NTM: variants seen among roughly 807,000 people sequenced by gnomAD.
NTM encodes IgLON family member 2.
NTM carries 13 observed loss-of-function variants against 42.1 expected under a neutral mutation model. That is an observed-to-expected ratio of 0.31 (90% CI 0.20 to 0.49). NTM has a LOEUF of 0.49. NTM is among the 20% of genes least tolerant of loss of function. The pLI, the probability that NTM is intolerant of heterozygous loss-of-function variation, is 0.99. For synonymous variants in NTM, 187 were observed against 179.2 expected (o/e 1.04, Z -0.35); for missense variants, 373 against 452.8 (o/e 0.82, Z 1.60).
intron 1 of NTM, chr11:131,671,649 C>T (rs2070266455): frequency 4.1e-6 from 4 of 969,768 alleles, no homozygotes; most frequent in African/African-American, 1.8e-5. Context: ...GTGAGAACCA[C>T]CAAGACTCAG....
At chr11:132,124,322 T>C (rs4426141) in intron 2 of NTM, among the ~76,000 whole-genome samples, 110,443 of 152,054 alleles carry the variant, frequency 0.73, 40,958 homozygotes, top group African/African-American at 0.86. Flanking sequence ...CTGGGCTGGC[T>C]TTTGGTGGTT....
intron 1 of NTM, among the ~76,000 whole-genome samples, chr11:131,400,462 C>T (rs562911287): frequency 6.8e-4 from 104 of 152,278 alleles, no homozygotes; most frequent in Middle Eastern, 3.4e-3. Context: ...GGATTGAGAA[C>T]TAGAGGGACC....
chr11:131,818,937 G>A (rs148750186), intron 1 of NTM, among the ~76,000 whole-genome samples: 127 of 152,184 alleles, frequency 8.3e-4, no homozygotes, highest in African/African-American at 2.9e-3. Flanking sequence ...TGGGATTTGG[G>A]GCTTCAAGGT....
intron 2 of NTM, among the ~76,000 whole-genome samples, chr11:131,919,062 A>T (rs1052432615): frequency 1.3e-4 from 20 of 151,914 alleles, no homozygotes; most frequent in Non-Finnish European, 1.5e-5. Flanking sequence ...CAGTCAGTGG[A>T]TCTGGATGCC....
chr11:131,415,818 A>C (rs1176335514), intron 1 of NTM, among the ~76,000 whole-genome samples: 1 of 152,092 alleles, frequency 6.6e-6, no homozygotes, highest in Non-Finnish European at 1.5e-5. Flanking sequence ...TTAATTTATA[A>C]TTTTCTTAGT....
At chr11:131,982,154 A>G (rs2065345727) in intron 2 of NTM, among the ~76,000 whole-genome samples, 1 of 152,140 alleles carries the variant, frequency 6.6e-6, no homozygotes, top group East Asian at 1.9e-4. Flanking sequence ...CAAGGGGAAA[A>G]GTCTATGAGA....
At chr11:131,608,460 C>A (rs766157692) in intron 1 of NTM, among the ~76,000 whole-genome samples, 18 of 152,288 alleles carry the variant, frequency 1.2e-4, no homozygotes, top group Non-Finnish European at 2.4e-4. Context: ...TTTAGAAAAA[C>A]CTCAATTAAG....
intron 1 of NTM, among the ~76,000 whole-genome samples, chr11:131,607,026 C>T (rs1448047522): frequency 1.3e-5 from 2 of 152,240 alleles, no homozygotes; most frequent in Non-Finnish European, 2.9e-5. Flanking sequence ...TTATCGGTTT[C>T]TGGGTAATCC....
chr11:131,498,522 T>C (rs919260126), intron 1 of NTM, among the ~76,000 whole-genome samples: 19 of 152,138 alleles, frequency 1.2e-4, no homozygotes, highest in African/African-American at 4.3e-4. Flanking sequence ...TCCTTCCTTT[T>C]CTTCCAAACA....
At chr11:131,447,384 G>A (rs1267937746) in intron 1 of NTM, among the ~76,000 whole-genome samples, 4 of 152,064 alleles carry the variant, frequency 2.6e-5, no homozygotes, top group African/African-American at 4.8e-5. Context: ...TTCCCACTTG[G>A]GCCCTGATGA....
At chr11:131,680,751 CTGTG>C (rs140998569) in intron 1 of NTM, among the ~76,000 whole-genome samples, 1 of 46,232 alleles carries the variant, frequency 2.2e-5, no homozygotes, top group Admixed American at 2.7e-4. Context: ...GCCTCTGTGT[CTGTG>C]TGTGAGATCA....
intron 1 of NTM, among the ~76,000 whole-genome samples, chr11:131,808,468 C>T (rs188182303): frequency 7.4e-4 from 113 of 152,234 alleles, no homozygotes; most frequent in Non-Finnish European, 1.4e-3. Context: ...TGTAAATAAG[C>T]GTAACTAAGA....
At chr11:132,263,228 C>T (rs553261133) in intron 4 of NTM, among the ~76,000 whole-genome samples, 6 of 152,234 alleles carry the variant, frequency 3.9e-5, no homozygotes, top group Non-Finnish European at 8.8e-5. Context: ...AGGGGGCCAT[C>T]TGGCCTGTTG....
chr11:131,789,592 GA>G lies in NTM; in HGVS notation c.83-121970del, dbSNP rs2090364735. The stretch of plus-strand genomic sequence containing the variant: ...AGAAGAAGAAGAAGAAGAAGAAGAA[GA>G]AGAAGAAGAAGAAGAAGAAGAAGAA... On this transcript the variant is annotated intron_variant, in intron 1 of 8. Transcript: ENST00000683400. Among the ~76,000 whole-genome samples, 2 of 72,334 alleles carry G rather than the reference GA, an allele frequency of 2.8e-5. 1 individual carries two copies. The highest frequency in any genetic ancestry group is 1.4e-4 in the African/African-American group (2 of 14,394). The allele number at this position is 72,334 out of a possible 152,430, so 47.5% of individuals were successfully genotyped here.
At chr11:132,257,982 C>CT (rs1185441410) in intron 4 of NTM, among the ~76,000 whole-genome samples, 13 of 152,192 alleles carry the variant, frequency 8.5e-5, no homozygotes, top group African/African-American at 2.9e-4. Context: ...GCAGAGCCTT[C>CT]CCCACCAGAC....
At chr11:132,109,829 T>C (rs2062925396) in intron 2 of NTM, among the ~76,000 whole-genome samples, 1 of 152,234 alleles carries the variant, frequency 6.6e-6, no homozygotes, top group South Asian at 2.1e-4. Context: ...AAGTCCATTG[T>C]ATCATTCTTG....
At chr11:131,466,087 A>C (rs990730781) in intron 1 of NTM, among the ~76,000 whole-genome samples, 1 of 152,246 alleles carries the variant, frequency 6.6e-6, no homozygotes, top group East Asian at 1.9e-4. Flanking sequence ...GGAGAAGAGC[A>C]GCATGTGAGC....
Position 131,449,723 on chromosome 11 carries a change from G to A in NTM, c.82+78835G>A, listed in dbSNP as rs180889056. Among the ~76,000 whole-genome samples the A allele has an allele frequency of 5.3e-5, 8 of 152,278 alleles. 1 individual carries two copies. Among genetic ancestry groups the A allele is most frequent in the Admixed American group, 2.6e-4 (4 of 15,308 alleles). On this transcript the variant is annotated intron_variant, in intron 1 of 8. Coordinates refer to ENST00000683400, the MANE Select transcript of NTM (RefSeq NM_001352005.2). ...GTGTGTGTCCAGAAGCATGGAGGCC[G>A]CAGGTGTACTAGCTGATCCTGTCCT...
chr11:131,454,184 A>AG (rs1950693731), intron 1 of NTM, among the ~76,000 whole-genome samples: 1 of 152,236 alleles, frequency 6.6e-6, no homozygotes, highest in Non-Finnish European at 1.5e-5. Flanking sequence ...ATTACAGACT[A>AG]TGTTATAATC....
Sources: gnomAD v4.1 joint callset for allele counts (sites outside exome capture counted in the v4.1 genomes callset) on GRCh38, gnomAD v4.1.1 for gene constraint, MANE v1.5 for transcripts, NCBI Gene and HGNC (gene_info 2026-07-23, HGNC 2026-07-21) for gene names.